Variants in SLC4A4 observed in about 807,000 individuals in gnomAD.
SLC4A4 encodes electrogenic sodium bicarbonate cotransporter 1.
In SLC4A4, 27 loss-of-function variants were observed where a neutral mutation model predicts 111.5. The observed-to-expected ratio is 0.24, with a 90% confidence interval of 0.18 to 0.33. The LOEUF (loss-of-function observed/expected upper bound fraction) is 0.33. Among genes scored for constraint, SLC4A4 ranks in the 10% least tolerant of loss-of-function variants. SLC4A4 has a pLI of 1.00. For missense variants in SLC4A4, 909 were observed against 1,315.5 expected (o/e 0.69, Z 4.78); for synonymous variants, 443 against 463.4 (o/e 0.96, Z 0.57).
intron 1 of SLC4A4, among the ~76,000 whole-genome samples, chr4:71,068,474 T>C: frequency 6.6e-6 from 1 of 152,162 alleles, no homozygotes; most frequent in Non-Finnish European, 1.5e-5. Flanking sequence ...GTGCTCTCTC[T>C]CTTAGGCATT....
At chr4:71,098,798 A>G (rs1415576754) in intron 2 of SLC4A4, among the ~76,000 whole-genome samples, 1 of 152,158 alleles carries the variant, frequency 6.6e-6, no homozygotes, top group Middle Eastern at 3.2e-3. Flanking sequence ...AATCAGAAAA[A>G]AGCAGGGGTT....
chr4:71,245,902 C>A (rs768893024), intron 2 of SLC4A4, among the ~76,000 whole-genome samples: 2 of 152,062 alleles, frequency 1.3e-5, no homozygotes, highest in Non-Finnish European at 2.9e-5. Flanking sequence ...GCCTCTGAGG[C>A]CGAGAAGAGG....
In SLC4A4 at chr4:71,568,064, C is replaced by A. The variant is rs757021397; in HGVS notation, c.*313C>A. On this transcript the variant is annotated 3_prime_UTR_variant, in exon 26 of 26. Coordinates refer to ENST00000264485, the MANE Select transcript of SLC4A4 (RefSeq NM_001098484.3). ...AGACACAATCAAGACAATAGTGCAC[C>A]GTTCCTTAAAAACAGCATCTGAGGA... is the stretch of plus-strand genomic sequence containing the variant. 5.7e-6 allele frequency: 3 copies of A among 525,422 alleles called. No homozygotes were observed. The highest frequency in any genetic ancestry group is 6.8e-6 in the Non-Finnish European group (2 of 294,710). 32.5% of individuals were successfully genotyped at this position (525,422 alleles called of 1,614,324 possible). A position where few individuals can be genotyped will look rare whatever the true frequency, so the allele number is the denominator to read the frequency against.
chr4:71,306,685 A>G (rs943825453), intron 3 of SLC4A4, among the ~76,000 whole-genome samples: 4 of 152,252 alleles, frequency 2.6e-5, no homozygotes, highest in Non-Finnish European at 4.4e-5. Flanking sequence ...TAGTAATTGC[A>G]TAATGAAAGT....
chr4:71,097,423 A>T (rs1404283709), intron 2 of SLC4A4, among the ~76,000 whole-genome samples: 2 of 152,140 alleles, frequency 1.3e-5, no homozygotes, highest in Non-Finnish European at 1.5e-5. Context: ...CCCATCTGTC[A>T]CTGATGTGCA....
At chr4:71,184,782 GAGTTTATA>G (rs559477292), upstream of SLC4A4, among the ~76,000 whole-genome samples, 2 of 152,150 alleles carry the variant, frequency 1.3e-5, no homozygotes, top group Non-Finnish European at 2.9e-5. Context: ...ATCACATGCA[GAGTTTATA>G]AGAAAAATTA....
At chr4:71,249,975 G>C (rs1720946917) in intron 2 of SLC4A4, among the ~76,000 whole-genome samples, 1 of 152,020 alleles carries the variant, frequency 6.6e-6, no homozygotes, top group Non-Finnish European at 1.5e-5. Flanking sequence ...CAACCACACA[G>C]TGTCCACTGT....
chr4:71,132,417 G>A (rs1434896005), intron 2 of SLC4A4, among the ~76,000 whole-genome samples: 3 of 152,180 alleles, frequency 2.0e-5, no homozygotes, highest in Non-Finnish European at 4.4e-5. Flanking sequence ...TATTTCCATG[G>A]AAATAGAAGT....
At chr4:71,510,527 A>T in intron 16 of SLC4A4, among the ~76,000 whole-genome samples, 1 of 151,930 alleles carries the variant, frequency 6.6e-6, no homozygotes, top group African/African-American at 2.4e-5. Flanking sequence ...TTTACTTACA[A>T]TTTATTTTAT....
chr4:71,471,922 C>A (rs895546038), intron 13 of SLC4A4, among the ~76,000 whole-genome samples: 7 of 151,904 alleles, frequency 4.6e-5, no homozygotes, highest in African/African-American at 1.7e-4. Flanking sequence ...GATCTGTGAG[C>A]AAGCTTCATA....
chr4:71,285,470 G>A (rs1197565462), intron 3 of SLC4A4, among the ~76,000 whole-genome samples: 2 of 152,058 alleles, frequency 1.3e-5, no homozygotes, highest in African/African-American at 2.4e-5. Context: ...TCAAAAAGAT[G>A]GGTGGTAGTA....
intron 3 of SLC4A4, among the ~76,000 whole-genome samples, chr4:71,308,147 A>G (rs1425255898): frequency 1.3e-5 from 2 of 152,158 alleles, no homozygotes; most frequent in African/African-American, 4.8e-5. Flanking sequence ...TATATGCTCA[A>G]GCCAACTGAA....
chr4:71,345,647 G>C (rs778849900), intron 4 of SLC4A4, among the ~76,000 whole-genome samples: 1 of 152,032 alleles, frequency 6.6e-6, no homozygotes, highest in South Asian at 2.1e-4. Context: ...CCTGATTTAA[G>C]GGCATGGCCA....
intron 1 of SLC4A4, among the ~76,000 whole-genome samples, chr4:71,193,426 T>C (rs949188782): frequency 6.6e-6 from 1 of 152,240 alleles, no homozygotes; most frequent in African/African-American, 2.4e-5. Flanking sequence ...CCCAAAGTGC[T>C]GAGATTACAG....
At chr4:71,319,714 C>T (rs781401075) in intron 3 of SLC4A4, among the ~76,000 whole-genome samples, 17 of 151,948 alleles carry the variant, frequency 1.1e-4, no homozygotes, top group African/African-American at 2.7e-4. Flanking sequence ...AAGCCAGAAT[C>T]GCAAAATTTG....
intron 15 of SLC4A4, among the ~76,000 whole-genome samples, chr4:71,492,128 A>G (rs186679086): frequency 1.2e-4 from 18 of 151,710 alleles, no homozygotes; most frequent in African/African-American, 4.3e-4. Context: ...AAGTGTAAAA[A>G]CCATTCTGTC....
intron 12 of SLC4A4, among the ~76,000 whole-genome samples, chr4:71,459,495 G>T (rs1726614537): frequency 6.6e-6 from 1 of 151,926 alleles, no homozygotes; most frequent in South Asian, 2.1e-4. Flanking sequence ...GTATTTCATG[G>T]ATGTCTTTCC....
chr4:71,441,135 T>G (rs1203136155), intron 8 of SLC4A4, among the ~76,000 whole-genome samples: 1 of 152,130 alleles, frequency 6.6e-6, no homozygotes, highest in African/African-American at 2.4e-5. Context: ...GGTTCAGAGG[T>G]CATAGTTGCT....
At chr4:71,085,900 T>A (rs1447587987) in intron 1 of SLC4A4, among the ~76,000 whole-genome samples, 1 of 152,000 alleles carries the variant, frequency 6.6e-6, no homozygotes, top group Non-Finnish European at 1.5e-5. Context: ...CTTTTTTGGT[T>A]CCATATGAAC....
Sources: gnomAD v4.1 joint callset for allele counts (sites outside exome capture counted in the v4.1 genomes callset) on GRCh38, gnomAD v4.1.1 for gene constraint, MANE v1.5 for transcripts, NCBI Gene and HGNC (gene_info 2026-07-23, HGNC 2026-07-21) for gene names.